ARHGAP28: variants seen among roughly 807,000 people sequenced by gnomAD.
ARHGAP28 encodes the protein Rho GTPase activating protein 28, also known as rho GTPase-activating protein 28.
In ARHGAP28, 56 loss-of-function variants were observed where a neutral mutation model predicts 90.7. The observed-to-expected ratio is 0.62, with a 90% CI of 0.50 to 0.77. ARHGAP28 has a LOEUF of 0.77. Among genes scored for constraint, ARHGAP28 ranks in the 30% least tolerant of loss-of-function variants. ARHGAP28 has a pLI of 0.00. For synonymous variants in ARHGAP28, 308 were observed against 323.3 expected, an observed-to-expected ratio of 0.95 and a Z score of 0.51; for missense variants, 869 against 900.9, an observed-to-expected ratio of 0.96 and a Z score of 0.45.
intron 1 of ARHGAP28, among the ~76,000 whole-genome samples, chr18:6,766,701 T>A (rs2056202503): frequency 6.6e-6 from 1 of 152,168 alleles, no homozygotes; most frequent in Non-Finnish European, 1.5e-5. Flanking sequence ...AGGTTTCAGA[T>A]CTTCAGTCAT....
intron 1 of ARHGAP28, among the ~76,000 whole-genome samples, chr18:6,752,441 G>A (rs1404611147): frequency 3.9e-5 from 6 of 152,162 alleles, no homozygotes; most frequent in African/African-American, 9.6e-5. Flanking sequence ...GTCAATAAAC[G>A]TCTAGCGCTT....
intron 1 of ARHGAP28, among the ~76,000 whole-genome samples, chr18:6,813,151 G>A (rs1356135450): frequency 6.6e-6 from 1 of 152,198 alleles, no homozygotes; most frequent in Non-Finnish European, 1.5e-5. Flanking sequence ...AGGGAAAGCT[G>A]AGTAAAATGG....
rs189010323 is a variant in ARHGAP28 at position 6,840,016 on chromosome 18, G to A, written c.543+2602G>A. Reference sequence around the variant, plus strand: ...TGCTGGGTTCTAGCTGGAGCACTGGGATACCCTTCTGTTCTGGTGGCTTCT... The same window carrying A: ...TGCTGGGTTCTAGCTGGAGCACTGGAATACCCTTCTGTTCTGGTGGCTTCT... On this transcript the variant is annotated intron_variant, in intron 3 of 17. Transcript: ENST00000383472. Among the ~76,000 whole-genome samples, 319 of 152,264 alleles carry A rather than the reference G, an allele frequency of 2.1e-3. 1 individual carries two copies. The highest frequency in any genetic ancestry group is 3.6e-3 in the Non-Finnish European group (248 of 68,026).
intron 3 of ARHGAP28, among the ~76,000 whole-genome samples, chr18:6,847,350 G>A (rs539421337): frequency 2.4e-4 from 36 of 151,966 alleles, no homozygotes; most frequent in African/African-American, 7.0e-4. Flanking sequence ...TTATCCTTAC[G>A]TTCCATATTT....
chr18:6,912,215 G>A lies in ARHGAP28; in HGVS notation c.*61G>A. ...GCCAAAAAGATCCTACATTTTGGTAGGGAAAAAACAACACTGTGTTTGACG... is the reference window on the plus strand; with the variant it reads ...GCCAAAAAGATCCTACATTTTGGTAAGGAAAAAACAACACTGTGTTTGACG... On this transcript the variant is annotated 3_prime_UTR_variant, in exon 18 of 18. Coordinates refer to ENST00000383472, the MANE Select transcript of ARHGAP28 (RefSeq NM_001366230.1). 3 of 1,014,002 alleles carry A rather than the reference G, an allele frequency of 3.0e-6. No individual in the cohort carries two copies. Among genetic ancestry groups the A allele is most frequent in the South Asian group, 1.6e-5 (1 of 62,206 alleles). The allele number at this position is 1,014,002 out of a possible 1,614,324, so 62.8% of individuals were successfully genotyped here.
At chr18:6,788,015 C>T (rs891712170) in intron 1 of ARHGAP28, among the ~76,000 whole-genome samples, 3 of 152,104 alleles carry the variant, frequency 2.0e-5, no homozygotes, top group African/African-American at 7.2e-5. Flanking sequence ...TTCTCCTGGC[C>T]TTGAGGCATC....
At chr18:6,840,848 T>C (rs2056801905) in intron 3 of ARHGAP28, among the ~76,000 whole-genome samples, 1 of 152,206 alleles carries the variant, frequency 6.6e-6, no homozygotes, top group Admixed American at 6.6e-5. Flanking sequence ...TTTGGCATTG[T>C]ATAAGCTGCT....
At chr18:6,901,980 T>C (rs2057340933) in intron 16 of ARHGAP28, among the ~76,000 whole-genome samples, 1 of 152,186 alleles carries the variant, frequency 6.6e-6, no homozygotes, top group Non-Finnish European at 1.5e-5. Context: ...CATTTCAATC[T>C]CTTCTCCCAT....
chr18:6,782,187 T>C (rs1231664298), intron 1 of ARHGAP28, among the ~76,000 whole-genome samples: 2 of 152,098 alleles, frequency 1.3e-5, no homozygotes, highest in Admixed American at 6.6e-5. Context: ...GAGCAGAGCA[T>C]GTCCTTGGTT....
chr18:6,817,147 C>G (rs1306464371), intron 1 of ARHGAP28, among the ~76,000 whole-genome samples: 1 of 151,190 alleles, frequency 6.6e-6, no homozygotes, highest in Non-Finnish European at 1.5e-5. Flanking sequence ...AACCCCGTCT[C>G]TACTAAAAAA....
intron 1 of ARHGAP28, among the ~76,000 whole-genome samples, chr18:6,767,797 G>GT (rs1474325469): frequency 2.0e-5 from 3 of 152,018 alleles, no homozygotes; most frequent in Admixed American, 6.6e-5. Context: ...CCTGTCTGTG[G>GT]TTTTGTGTTA....
intron 1 of ARHGAP28, among the ~76,000 whole-genome samples, chr18:6,758,364 C>T (rs995282668): frequency 1.3e-5 from 2 of 151,628 alleles, no homozygotes; most frequent in Non-Finnish European, 2.9e-5. Flanking sequence ...GAAACAAAGT[C>T]GCTCAGGCGA....
At chr18:6,762,725 A>C (rs749537460) in intron 1 of ARHGAP28, among the ~76,000 whole-genome samples, 1 of 152,080 alleles carries the variant, frequency 6.6e-6, no homozygotes, top group Non-Finnish European at 1.5e-5. Flanking sequence ...GGGAAGACTA[A>C]GTGAGAATGC....
At chr18:6,761,659 A>C (rs1385792726) in intron 1 of ARHGAP28, among the ~76,000 whole-genome samples, 5 of 152,200 alleles carry the variant, frequency 3.3e-5, no homozygotes, top group Non-Finnish European at 7.3e-5. Flanking sequence ...GGGAATTGGG[A>C]AGTAAAGCCA....
chr18:6,811,691 G>A (rs2056557833), intron 1 of ARHGAP28, among the ~76,000 whole-genome samples: 1 of 151,312 alleles, frequency 6.6e-6, no homozygotes, highest in Non-Finnish European at 1.5e-5. Flanking sequence ...ATTTAGTTTC[G>A]TGCCTCCTTT....
chr18:6,863,093 C>A (rs952471898), intron 5 of ARHGAP28, among the ~76,000 whole-genome samples: 6 of 151,972 alleles, frequency 3.9e-5, no homozygotes, highest in African/African-American at 1.2e-4. Flanking sequence ...TTTATTGACT[C>A]AGTATGTAAA....
chr18:6,821,508 A>G (rs747278020), intron 1 of ARHGAP28, among the ~76,000 whole-genome samples: 2 of 152,208 alleles, frequency 1.3e-5, no homozygotes, highest in Non-Finnish European at 2.9e-5. Flanking sequence ...AAACTGTTGG[A>G]TGGGCCTGAG....
chr18:6,760,366 A>T (rs2056149417), intron 1 of ARHGAP28, among the ~76,000 whole-genome samples: 1 of 152,206 alleles, frequency 6.6e-6, no homozygotes, highest in African/African-American at 2.4e-5. Context: ...TCCCCATCAC[A>T]CCAAGAAATT....
chr18:6,735,544 A>G (rs1021665826), intron 1 of ARHGAP28, among the ~76,000 whole-genome samples: 3 of 148,640 alleles, frequency 2.0e-5, no homozygotes, highest in South Asian at 2.1e-4. Flanking sequence ...TGATTAAATT[A>G]AGGTTATGCT....
Sources: allele counts gnomAD v4.1 joint callset (sites outside exome capture counted in the v4.1 genomes callset), GRCh38; gene constraint gnomAD v4.1.1; transcripts MANE v1.5; gene names NCBI Gene and HGNC (gene_info 2026-07-23, HGNC 2026-07-21).